The following LRRC69 variants were observed in gnomAD, a reference collection of about 807,000 sequenced individuals.
LRRC69 encodes the protein leucine-rich repeat-containing protein 69.
LRRC69 carries 42 observed loss-of-function variants against 37.8 expected under a neutral mutation model. The ratio of observed to expected loss-of-function variants is 1.11; its 90% CI spans 0.87 to 1.44. The LOEUF is 1.44. Among genes scored for constraint, LRRC69 ranks in the 40% most tolerant of loss-of-function variants. LRRC69 has a pLI of 0.00. For missense variants in LRRC69, 357 were observed against 401.9 expected, an observed-to-expected ratio of 0.89 and a Z score of 0.96; for synonymous variants, 141 against 143.1, an observed-to-expected ratio of 0.99 and a Z score of 0.11.
chr8:91,118,767 T>A (rs1813563982), intron 1 of LRRC69, among the ~76,000 whole-genome samples: 1 of 152,072 alleles, frequency 6.6e-6, no homozygotes, highest in South Asian at 2.1e-4. Flanking sequence ...ACTAAAGCCT[T>A]CCTTCAGGAA....
rs548686747 is a variant in LRRC69 at position 91,203,901 on chromosome 8, CGAGGTCAGGAGATCGA to C, written c.933+3112_933+3127del. Among the ~76,000 whole-genome samples the C allele has an allele frequency of 3.1e-3, 469 of 151,238 alleles. 1 individual carries two copies. Among genetic ancestry groups the C allele is most frequent in the African/African-American group, 0.011 (443 of 41,270 alleles). ...TTCGGAGGCTGAGGCGGGCAGATCA[CGAGGTCAGGAGATCGA>C]GACCATCCTGGCTAACACAGTGAAA... On this transcript the variant is annotated intron_variant, in intron 7 of 7. Transcript: ENST00000448384.
chr8:91,176,832 A>G (rs1238477993), intron 5 of LRRC69, among the ~76,000 whole-genome samples: 2 of 151,844 alleles, frequency 1.3e-5, no homozygotes, highest in African/African-American at 2.4e-5. Flanking sequence ...CAGTTCATCA[A>G]TTGCTTAATT....
intron 5 of LRRC69, among the ~76,000 whole-genome samples, chr8:91,167,927 C>A (rs570972517): frequency 6.6e-6 from 1 of 152,002 alleles, no homozygotes; most frequent in African/African-American, 2.4e-5. Flanking sequence ...CTGTAGAGAT[C>A]CTTAAATTCC....
intron 5 of LRRC69, among the ~76,000 whole-genome samples, chr8:91,142,172 G>T (rs1808543432): frequency 6.6e-6 from 1 of 151,956 alleles, no homozygotes; most frequent in Admixed American, 6.6e-5. Context: ...AAGATGACCT[G>T]ACAAAAGCAA....
intron 5 of LRRC69, among the ~76,000 whole-genome samples, chr8:91,176,134 A>ATATATATATTTTTTTTTTTT: frequency 7.4e-4 from 56 of 75,690 alleles, no homozygotes; most frequent in Middle Eastern, 0.011. Flanking sequence ...ATATATATAT[A>ATATATATATTTTTTTTTTTT]TTTTTTTTTT....
At chr8:91,209,711 T>C (rs1218264488) in intron 7 of LRRC69, among the ~76,000 whole-genome samples, 1 of 152,180 alleles carries the variant, frequency 6.6e-6, no homozygotes, top group Non-Finnish European at 1.5e-5. Flanking sequence ...TGTGATTAGG[T>C]ACTGCTACTT....
At chr8:91,218,951 A>G (rs1489543436) in exon 8 of LRRC69, 1 of 1,551,164 alleles carries the variant, frequency 6.4e-7, no homozygotes, top group African/African-American at 1.4e-5. Flanking sequence ...TGTTCTTACA[A>G]ATGTTTTACT....
At chr8:91,197,498 C>T (rs1809630679) in intron 6 of LRRC69, among the ~76,000 whole-genome samples, 1 of 152,050 alleles carries the variant, frequency 6.6e-6, no homozygotes, top group Admixed American at 6.6e-5. Flanking sequence ...CAGCGAGACT[C>T]CGTGGGCGTA....
At chr8:91,146,053 T>C (rs1008258794) in intron 5 of LRRC69, among the ~76,000 whole-genome samples, 18 of 151,964 alleles carry the variant, frequency 1.2e-4, no homozygotes, top group Admixed American at 3.3e-4. Flanking sequence ...GACTTTCTAC[T>C]TCTATATGTG....
intron 5 of LRRC69, among the ~76,000 whole-genome samples, chr8:91,153,338 G>C (rs1443550614): frequency 6.6e-6 from 1 of 151,200 alleles, no homozygotes; most frequent in Admixed American, 6.6e-5. Context: ...TTCAGGACTT[G>C]AACTCAACTC....
At chr8:91,110,411 G>C (rs1813389327) in intron 1 of LRRC69, among the ~76,000 whole-genome samples, 1 of 152,020 alleles carries the variant, frequency 6.6e-6, no homozygotes, top group Non-Finnish European at 1.5e-5. Flanking sequence ...GGCTGAGGTG[G>C]TGGGGATCAC....
intron 7 of LRRC69, among the ~76,000 whole-genome samples, chr8:91,215,884 C>T (rs899523551): frequency 2.6e-5 from 4 of 151,992 alleles, no homozygotes; most frequent in African/African-American, 7.3e-5. Context: ...ATATGTCGTA[C>T]CAGTAGAAAC....
At chr8:91,148,338 T>A (rs13256772) in intron 5 of LRRC69, among the ~76,000 whole-genome samples, 9 of 151,224 alleles carry the variant, frequency 6.0e-5, no homozygotes, top group African/African-American at 2.2e-4. Flanking sequence ...CAGTGTTTGG[T>A]TTTTTGTCCT....
chr8:91,196,219 T>C (rs993997480), intron 6 of LRRC69, among the ~76,000 whole-genome samples: 2 of 151,998 alleles, frequency 1.3e-5, no homozygotes, highest in Non-Finnish European at 2.9e-5. Flanking sequence ...GATCTGCTGT[T>C]AGTCTGATGG....
chr8:91,217,522 C>T (rs973731661), intron 7 of LRRC69, among the ~76,000 whole-genome samples: 1 of 152,126 alleles, frequency 6.6e-6, no homozygotes, highest in African/African-American at 2.4e-5. Flanking sequence ...CTTCCTTGAA[C>T]TGTCTTGCCT....
At chr8:91,157,451 T>G in intron 5 of LRRC69, 1 of 1,605,506 alleles carries the variant, frequency 6.2e-7, no homozygotes, top group South Asian at 1.1e-5. Flanking sequence ...ATTGGGCCAA[T>G]GAAAATATGC....
chr8:91,186,440 G>T (rs1809408875), intron 5 of LRRC69, among the ~76,000 whole-genome samples: 1 of 152,076 alleles, frequency 6.6e-6, no homozygotes, highest in African/African-American at 2.4e-5. Flanking sequence ...AGTTAAAAGG[G>T]TATGGCATGA....
chr8:91,116,612 C>T (rs10956794), intron 1 of LRRC69, among the ~76,000 whole-genome samples: 70,090 of 151,360 alleles, frequency 0.46, 17,894 homozygotes, highest in South Asian at 0.65. Flanking sequence ...TTTAAAGATG[C>T]GCAGTGTATT....
At chr8:91,199,570 G>A (rs1809678960) in intron 6 of LRRC69, among the ~76,000 whole-genome samples, 1 of 151,974 alleles carries the variant, frequency 6.6e-6, no homozygotes, top group African/African-American at 2.4e-5. Flanking sequence ...AAGATTATGT[G>A]TGTATATATG....
Sources: gnomAD v4.1 joint callset for allele counts (sites outside exome capture counted in the v4.1 genomes callset) on GRCh38, gnomAD v4.1.1 for gene constraint, MANE v1.5 for transcripts, NCBI Gene and HGNC (gene_info 2026-07-23, HGNC 2026-07-21) for gene names.